The following GLI3 variants were observed in gnomAD, a reference collection of about 807,000 sequenced individuals.
The protein encoded by GLI3 is GLI family zinc finger 3, also known as transcription activator GLI3.
Under a neutral mutation model 100.8 loss-of-function variants are expected in GLI3, and 20 were observed. The ratio of observed to expected loss-of-function variants is 0.20; its 90% CI spans 0.14 to 0.29. The LOEUF is 0.29. GLI3 is among the 10% of genes least tolerant of loss of function. GLI3 has a pLI of 1.00. For missense variants in GLI3, 2,040 were observed against 2,128.5 expected, an observed-to-expected ratio of 0.96 and a Z score of 0.82; for synonymous variants, 938 against 860.5, an observed-to-expected ratio of 1.09 and a Z score of -1.58.
chr7:42,239,911 TTC>T (rs1252978187), upstream of GLI3, among the ~76,000 whole-genome samples: 3 of 152,340 alleles, frequency 2.0e-5, no homozygotes, highest in South Asian at 2.1e-4. Context: ...TGCAGTGACT[TTC>T]TCTCTGTGTT....
intron 3 of GLI3, among the ~76,000 whole-genome samples, chr7:42,091,658 C>T (rs532668366): frequency 6.6e-6 from 1 of 152,364 alleles, no homozygotes; most frequent in Non-Finnish European, 1.5e-5. Flanking sequence ...AGAATCCAGC[C>T]GCTCTCTTCT....
chr7:42,251,596 G>A (rs1244274563), intron 1 of GLI3, among the ~76,000 whole-genome samples: 1 of 152,132 alleles, frequency 6.6e-6, no homozygotes, highest in African/African-American at 2.4e-5. Flanking sequence ...AGCAGAGAGA[G>A]AAGAAAGAGG....
intron 2 of GLI3, 137 bp downstream of exon 2, chr7:42,222,993 C>T (rs113910137): frequency 3.0e-5 from 31 of 1,041,798 alleles, no homozygotes; most frequent in African/African-American, 1.6e-4. Context: ...GCCGTCCCCC[C>T]GCCCCTGCTC....
At chr7:42,186,626 AGGGTCTTTC>A (rs773938392) in intron 2 of GLI3, among the ~76,000 whole-genome samples, 1 of 152,206 alleles carries the variant, frequency 6.6e-6, no homozygotes, top group Non-Finnish European at 1.5e-5. Context: ...CGCAAAATTC[AGGGTCTTTC>A]AGGCCTTAGT....
intron 3 of GLI3, among the ~76,000 whole-genome samples, chr7:42,086,423 C>T (rs1338964634): frequency 6.6e-6 from 1 of 152,106 alleles, no homozygotes; most frequent in Non-Finnish European, 1.5e-5. Flanking sequence ...ACTCCCCACA[C>T]CAGCATCCCT....
chr7:42,238,010 CCTCCTCCTCCTCCTT>C (rs1169143287), upstream of GLI3: 1,177 of 156,896 alleles, frequency 7.5e-3, 14 homozygotes, highest in African/African-American at 0.033. Flanking sequence ...GCCGCCTCCT[CCTCCTCCTCCTCCTT>C]CTCCTCCTCC....
intron 4 of GLI3, among the ~76,000 whole-genome samples, chr7:42,062,129 AC>A (rs1784580599): frequency 6.6e-6 from 1 of 152,100 alleles, no homozygotes; most frequent in Non-Finnish European, 1.5e-5. Flanking sequence ...TTTGAGCCTC[AC>A]TGTTTCATCT....
At chr7:42,242,509 C>G (rs986008984), upstream of GLI3, among the ~76,000 whole-genome samples, 1 of 152,204 alleles carries the variant, frequency 6.6e-6, no homozygotes, top group Non-Finnish European at 1.5e-5. Flanking sequence ...GAATGTCTGT[C>G]CTTTGTCCTT....
intron 4 of GLI3, among the ~76,000 whole-genome samples, chr7:42,057,265 T>A (rs1161604621): frequency 6.6e-6 from 1 of 152,228 alleles, no homozygotes; most frequent in Non-Finnish European, 1.5e-5. Flanking sequence ...TCATTTATAG[T>A]GCAGTGCAAA....
chr7:42,009,477 GTTCTTT>G (rs1380171926), intron 10 of GLI3, among the ~76,000 whole-genome samples: 13 of 96,968 alleles, frequency 1.3e-4, no homozygotes, highest in African/African-American at 5.7e-4. Flanking sequence ...CCAGCAAATT[GTTCTTT>G]TTTTTTTTTT....
chr7:42,206,273 T>A (rs900837279), intron 2 of GLI3, among the ~76,000 whole-genome samples: 4 of 150,322 alleles, frequency 2.7e-5, no homozygotes, highest in African/African-American at 9.8e-5. Flanking sequence ...ATCTAAAAAA[T>A]AATAATAATA....
chr7:42,122,143 G>GA (rs1165728790), intron 3 of GLI3, among the ~76,000 whole-genome samples: 1 of 150,004 alleles, frequency 6.7e-6, no homozygotes, highest in East Asian at 1.9e-4. Context: ...AATGCTATTT[G>GA]ATAAAAATAA....
intron 4 of GLI3, among the ~76,000 whole-genome samples, chr7:42,058,010 C>T (rs1784497249): frequency 6.6e-6 from 1 of 151,528 alleles, no homozygotes; most frequent in South Asian, 2.1e-4. Flanking sequence ...TCCATGTAAC[C>T]AAAAACCACT....
chr7:42,256,671 T>G (rs905008169), intron 1 of GLI3, among the ~76,000 whole-genome samples: 2 of 152,196 alleles, frequency 1.3e-5, no homozygotes, highest in African/African-American at 2.4e-5. Context: ...TCATACTGTA[T>G]TTCTTACTGT....
intron 3 of GLI3, among the ~76,000 whole-genome samples, chr7:42,106,918 C>T (rs889421363): frequency 4.8e-5 from 7 of 145,448 alleles, no homozygotes; most frequent in African/African-American, 1.5e-4. Flanking sequence ...GGGGAGGGGG[C>T]GGTGGGGAGG....
At position 42,030,089 on chromosome 7, in the gene GLI3, C is replaced by T. The variant is rs3779137; in HGVS notation, c.1029-3677G>A. ...TGGAAGTCAGAAGTCTGCAATAGGC[C>T]GGCGGGGCTGCATTATTCCAGACGG... On this transcript the variant is annotated intron_variant, in intron 7 of 14. Transcript: ENST00000395925. Among the ~76,000 whole-genome samples the T allele has an allele frequency of 0.014, 2,107 of 152,220 alleles. 174 individuals carry two copies. The East Asian group carries it at 0.24, about 18-fold the overall frequency.
chr7:42,205,997 G>A (rs949572483), intron 2 of GLI3, among the ~76,000 whole-genome samples: 3 of 152,190 alleles, frequency 2.0e-5, no homozygotes, highest in Admixed American at 6.5e-5. Flanking sequence ...GTTAGGTGCA[G>A]TGGCTCATGC....
At chr7:42,203,139 T>C (rs571409771) in intron 2 of GLI3, among the ~76,000 whole-genome samples, 1 of 152,362 alleles carries the variant, frequency 6.6e-6, no homozygotes, top group East Asian at 1.9e-4. Flanking sequence ...GTGTATTTAT[T>C]TAAACATGAT....
intron 9 of GLI3, among the ~76,000 whole-genome samples, chr7:42,023,871 T>C (rs921918092): frequency 1.3e-5 from 2 of 151,980 alleles, no homozygotes; most frequent in Non-Finnish European, 2.9e-5. Flanking sequence ...GCTGCCCTGA[T>C]TACAAAGCTG....
Sources: gnomAD v4.1 joint callset for allele counts (sites outside exome capture counted in the v4.1 genomes callset) on GRCh38, gnomAD v4.1.1 for gene constraint, MANE v1.5 for transcripts, NCBI Gene and HGNC (gene_info 2026-07-23, HGNC 2026-07-21) for gene names.